Variants in MTMR8 observed in about 807,000 individuals in gnomAD.
MTMR8 encodes myotubularin related protein 8, also known as phosphatidylinositol-3,5-bisphosphate 3-phosphatase MTMR8.
Under a neutral mutation model 39.3 loss-of-function variants are expected in MTMR8, and 65 were observed. The ratio of observed to expected loss-of-function variants is 1.65; its 90% confidence interval spans 1.35 to 2.03. MTMR8 has a LOEUF of 2.03. Ranked by LOEUF, MTMR8 falls within the 30% of genes most tolerant of loss-of-function variation. The pLI is 0.00. For missense variants in MTMR8, 777 were observed against 538.9 expected (o/e 1.44, Z -4.37); for synonymous variants, 245 against 185.2 (o/e 1.32, Z -2.62).
intron 12 of MTMR8, among the ~76,000 whole-genome samples, chrX:64,320,776 C>G (rs1922617154): frequency 9.0e-6 from 1 of 111,438 alleles, no homozygotes; most frequent in African/African-American, 3.3e-5. Context: ...TGAAAAGACC[C>G]TAAGCTTTCA....
intron 8 of MTMR8, 133 bp from the exon 9 acceptor site, chrX:64,337,526 A>G: frequency 1.6e-6 from 1 of 639,312 alleles, no homozygotes; most frequent in Non-Finnish European, 2.4e-6. Flanking sequence ...TTCTCATAAC[A>G]TTAACATCCT....
intron 12 of MTMR8, among the ~76,000 whole-genome samples, chrX:64,320,736 T>G (rs1403004213): frequency 1.8e-5 from 2 of 111,004 alleles, no homozygotes; most frequent in African/African-American, 6.6e-5. Flanking sequence ...AGATACATGC[T>G]GAGGGTCAGA....
At chrX:64,317,799 A>G (rs772200914) in intron 12 of MTMR8, among the ~76,000 whole-genome samples, 1 of 112,283 alleles carries the variant, frequency 8.9e-6, no homozygotes, top group Admixed American at 9.4e-5. Context: ...AGGGGATAAT[A>G]AAGAAGGAGG....
Position 64,279,548 on chromosome X carries a change from C to T in MTMR8, c.1482-8475G>A, listed in dbSNP as rs373882497. Among the ~76,000 whole-genome samples, 26 of 112,060 alleles carry T rather than the reference C, an allele frequency of 2.3e-4. No individual in the cohort carries two copies. The South Asian group carries it at 9.2e-3, about 40-fold the overall frequency. On this transcript the variant is annotated intron_variant, in intron 12 of 13. Transcript: ENST00000374852. ...GAAAGACTTAATATTGTTACGATGT[C>T]AATACTACCCAAAGTGATTTACAGA... is the stretch of plus-strand genomic sequence containing the variant.
At chrX:64,270,144 T>C (rs1310045100) in intron 13 of MTMR8, among the ~76,000 whole-genome samples, 1 of 111,022 alleles carries the variant, frequency 9.0e-6, no homozygotes, top group East Asian at 2.8e-4. Flanking sequence ...TATGCTTTAG[T>C]TTGCCCCCCT....
intron 12 of MTMR8, among the ~76,000 whole-genome samples, chrX:64,315,428 ATCT>A (rs1569218474): frequency 9.0e-6 from 1 of 111,609 alleles, no homozygotes; most frequent in Non-Finnish European, 1.9e-5. Flanking sequence ...CCCTCTGAAG[ATCT>A]TCTAGGAGTG....
intron 1 of MTMR8, among the ~76,000 whole-genome samples, chrX:64,381,984 C>T (rs1924438251): frequency 9.0e-6 from 1 of 111,550 alleles, no homozygotes; most frequent in African/African-American, 3.3e-5. Flanking sequence ...GGTAGCAGTA[C>T]CATGCTGTTT....
intron 12 of MTMR8, among the ~76,000 whole-genome samples, chrX:64,287,644 C>A (rs1275793489): frequency 9.1e-6 from 1 of 109,589 alleles, no homozygotes; most frequent in Non-Finnish European, 1.9e-5. Flanking sequence ...CAGAACAGAG[C>A]CCTCAGAAAT....
At position 64,354,876 on chromosome X, in the gene MTMR8, C is replaced by G. The variant is rs1456513939; in HGVS notation, c.369G>C (p.Arg123Ser). Residue 123 changes from arginine (R) to serine (S), a missense_variant, in exon 4 of 14, where the codon AGG becomes AGC. Transcript: ENST00000374852. ...GGTCAATCAGTTTCCATCCACTTTC[C>G]CTCATCTCTTTTGAGGATTTGGGAT... Reference protein sequence around the residue: ...SYNPKSSKEMRESGWKLIDPI... With the variant: ...SYNPKSSKEMSESGWKLIDPI... The G allele has an allele frequency of 8.3e-7, 1 of 1,203,978 alleles. No homozygotes were observed. The highest frequency in any genetic ancestry group is 1.8e-5 in the African/African-American group (1 of 56,930).
chrX:64,317,622 T>G (rs1922508265), intron 12 of MTMR8, among the ~76,000 whole-genome samples: 1 of 112,386 alleles, frequency 8.9e-6, no homozygotes, highest in Non-Finnish European at 1.9e-5. Context: ...TGAGGCATCG[T>G]AATGATGGCA....
rs895557154 is a variant in MTMR8 at position 64,343,399 on chromosome X, A to T, written c.975+212T>A. ...TCTGTGGCCACCTAAAAGTTACATC[A>T]TTAGATTATAGTTCAACCACCTTGT... On this transcript the variant is annotated intron_variant, in intron 8 of 13. Transcript: ENST00000374852. 2.7e-5 allele frequency among the ~76,000 whole-genome samples: 3 copies of T among 111,911 alleles called. No individual in the cohort carries two copies. In the East Asian group the frequency reaches 8.5e-4, roughly 32 times the overall value.
intron 12 of MTMR8, among the ~76,000 whole-genome samples, chrX:64,307,471 C>T (rs1922156545): frequency 1.8e-5 from 2 of 111,703 alleles, no homozygotes; most frequent in African/African-American, 6.5e-5. Flanking sequence ...GACTATCCTT[C>T]CCCCATTTAA....
chrX:64,374,708 G>A (rs1245001262), intron 1 of MTMR8, among the ~76,000 whole-genome samples: 1 of 111,281 alleles, frequency 9.0e-6, no homozygotes, highest in Non-Finnish European at 1.9e-5. Context: ...CCCTGTGAAT[G>A]TTACCCTATT....
chrX:64,308,454 C>T (rs1045956616), intron 12 of MTMR8, among the ~76,000 whole-genome samples: 26 of 107,982 alleles, frequency 2.4e-4, no homozygotes, highest in African/African-American at 8.8e-4. Flanking sequence ...CAGGCATGAG[C>T]CACTGTGCCC....
intron 12 of MTMR8, among the ~76,000 whole-genome samples, chrX:64,320,233 G>A (rs1378759796): frequency 5.4e-5 from 6 of 111,039 alleles, no homozygotes; most frequent in African/African-American, 2.0e-4. Flanking sequence ...AAGAATGCTT[G>A]TGATTTTTGC....
At chrX:64,351,348 T>C (rs1923482906) in intron 4 of MTMR8, among the ~76,000 whole-genome samples, 1 of 111,239 alleles carries the variant, frequency 9.0e-6, no homozygotes. Context: ...AGAAAGTCAA[T>C]GCAATAACAG....
At chrX:64,380,368 G>A in intron 1 of MTMR8, among the ~76,000 whole-genome samples, 1 of 112,520 alleles carries the variant, frequency 8.9e-6, no homozygotes, top group Non-Finnish European at 1.9e-5. Flanking sequence ...TAAACCAGTG[G>A]TACTACCTGG....
intron 4 of MTMR8, among the ~76,000 whole-genome samples, chrX:64,353,781 G>C (rs144745595): frequency 0.014 from 1,515 of 110,029 alleles, 25 homozygotes; most frequent in African/African-American, 0.048. Context: ...AAACAAATTC[G>C]CCAGGCATGG....
At chrX:64,314,441 G>T (rs1320876073) in intron 12 of MTMR8, among the ~76,000 whole-genome samples, 1 of 112,554 alleles carries the variant, frequency 8.9e-6, no homozygotes. Flanking sequence ...TAGCATGGGG[G>T]TAGGGCACTG....
Sources: allele counts gnomAD v4.1 joint callset (sites outside exome capture counted in the v4.1 genomes callset), GRCh38; gene constraint gnomAD v4.1.1; transcripts MANE v1.5; gene names NCBI Gene and HGNC (gene_info 2026-07-23, HGNC 2026-07-21).